Variants in UGT1A9 observed in about 807,000 individuals in gnomAD.
UGT1A9 encodes UDP glucuronosyltransferase family 1 member A9, also known as UDP-glucuronosyltransferase 1A9.
Under a neutral mutation model 45.0 loss-of-function variants are expected in UGT1A9, and 35 were observed. The ratio of observed to expected loss-of-function variants is 0.78; its 90% confidence interval spans 0.59 to 1.03. UGT1A9 has a LOEUF of 1.03. Ranked by LOEUF, UGT1A9 falls within the 50% of genes least tolerant of loss-of-function variation. The pLI is 0.00. For synonymous variants in UGT1A9, 278 were observed against 250.6 expected, an observed-to-expected ratio of 1.11 and a Z score of -1.03; for missense variants, 687 against 666.6, an observed-to-expected ratio of 1.03 and a Z score of -0.34.
chr2:233,709,696 T>G lies in UGT1A9; in HGVS notation c.855+36907T>G, dbSNP rs554703505. The stretch of plus-strand genomic sequence containing the variant: ...GTCTTTTGGTCAGCTTGGGAAAATT[T>G]TGTTCTTTTTTAATTGAATGATATG... On this transcript the variant is annotated intron_variant, in intron 1 of 4. Coordinates refer to ENST00000354728, the MANE Select transcript of UGT1A9 (RefSeq NM_021027.3). Among the ~76,000 whole-genome samples, 7 of 152,334 alleles carry G rather than the reference T, an allele frequency of 4.6e-5. No individual in the cohort carries two copies. In the East Asian group the frequency reaches 1.3e-3, roughly 29 times the overall value.
In UGT1A9 at chr2:233,682,581, A is replaced by G. The variant is rs1415178674; in HGVS notation, c.855+9792A>G. ...GTATGGAACCACATCATGCACTTGG[A>G]GGAACATTTATTTTGCCCCTATTTT... is the stretch of plus-strand genomic sequence containing the variant. On this transcript the variant is annotated intron_variant, in intron 1 of 4. Transcript: ENST00000354728. 2.2e-5 allele frequency: 36 copies of G among 1,613,826 alleles called. No individual in the cohort carries two copies. Among genetic ancestry groups the G allele is most frequent in the Non-Finnish European group, 2.7e-5 (32 of 1,179,846 alleles).
At chr2:233,729,803 C>T in intron 1 of UGT1A9, 4 of 1,613,928 alleles carry the variant, frequency 2.5e-6, no homozygotes, top group Non-Finnish European at 3.4e-6. Flanking sequence ...ATTTGCCATG[C>T]TTTTTCTGCT....
chr2:233,680,233 GT>G (rs2074479703), intron 1 of UGT1A9, among the ~76,000 whole-genome samples: 2 of 152,018 alleles, frequency 1.3e-5, no homozygotes, highest in African/African-American at 2.4e-5. Context: ...GGTATTCAAG[GT>G]TTAAAAAATT....
intron 1 of UGT1A9, among the ~76,000 whole-genome samples, chr2:233,688,668 C>T (rs1348030404): frequency 1.3e-5 from 2 of 152,120 alleles, no homozygotes; most frequent in African/African-American, 4.8e-5. Flanking sequence ...GCAGCTGGCT[C>T]TTTTTTAAAA....
Position 233,689,259 on chromosome 2 carries a change from A to G in UGT1A9, c.855+16470A>G, listed in dbSNP as rs375419238. Among the ~76,000 whole-genome samples, 6 of 152,328 alleles carry G rather than the reference A, an allele frequency of 3.9e-5. No homozygotes were observed. The South Asian group carries it at 1.2e-3, about 32-fold the overall frequency. On this transcript the variant is annotated intron_variant, in intron 1 of 4. Coordinates refer to ENST00000354728, the MANE Select transcript of UGT1A9 (RefSeq NM_021027.3). ...ATCTGTGAGTGATTCAGACTTGACTATTGTTATCATACTAAACTAAACTGG... is the reference window on the plus strand; with the variant it reads ...ATCTGTGAGTGATTCAGACTTGACTGTTGTTATCATACTAAACTAAACTGG...
Position 233,773,228 on chromosome 2 carries a change from T to C in UGT1A9, c.*669T>C, listed in dbSNP as rs570239690. The C allele has an allele frequency of 6.6e-6, 1 of 152,468 alleles. No homozygotes were observed. The highest frequency in any genetic ancestry group is 2.4e-5 in the African/African-American group (1 of 41,574). 9.4% of individuals were successfully genotyped at this position (152,468 alleles called of 1,614,324 possible). A position where few individuals can be genotyped will look rare whatever the true frequency, so the allele number is the denominator to read the frequency against. ...AAAAACCCAAAATACAGCTATGAAG[T>C]GCTGGGCAAGTTTACTTTTTTTCTG... On this transcript the variant is annotated 3_prime_UTR_variant, in exon 5 of 5. Coordinates refer to ENST00000354728, the MANE Select transcript of UGT1A9 (RefSeq NM_021027.3).
chr2:233,772,337 C>T lies in UGT1A9; in HGVS notation c.1371C>T (p.Phe457=). The change falls in exon 5 of 5, where the codon TTC becomes TTT. Residue 457 remains phenylalanine (F), a synonymous_variant. Transcript: ENST00000354728. ...RPVEPLDLAV[F]WVEFVMRHKG... is the part of the protein sequence containing the mutation. ...TGGAGCCGCTGGACCTGGCCGTGTTCTGGGTGGAGTTTGTGATGAGGCACA... is the reference window on the plus strand; with the variant it reads ...TGGAGCCGCTGGACCTGGCCGTGTTTTGGGTGGAGTTTGTGATGAGGCACA... 6.2e-7 allele frequency: 1 copy of T among 1,614,256 alleles called. No individual in the cohort carries two copies. The highest frequency in any genetic ancestry group is 8.5e-7 in the Non-Finnish European group (1 of 1,180,042).
At chr2:233,683,556 C>T (rs531959268) in intron 1 of UGT1A9, among the ~76,000 whole-genome samples, 121 of 152,220 alleles carry the variant, frequency 7.9e-4, no homozygotes, top group Admixed American at 2.9e-3. Flanking sequence ...GATTGGCCTT[C>T]TTTTGCTATT....
chr2:233,678,389 G>A (rs1404251186), intron 1 of UGT1A9, among the ~76,000 whole-genome samples: 1 of 152,176 alleles, frequency 6.6e-6, no homozygotes, highest in Non-Finnish European at 1.5e-5. Flanking sequence ...GGCTGTGGAG[G>A]AGGAGGAGTA....
chr2:233,681,598 G>A (rs567691515), intron 1 of UGT1A9, among the ~76,000 whole-genome samples: 46 of 148,238 alleles, frequency 3.1e-4, no homozygotes, highest in African/African-American at 7.9e-4. Context: ...TATTAGCTTC[G>A]TTCAAATTTA....
At position 233,772,966 on chromosome 2, in the gene UGT1A9, C is replaced by T; in HGVS notation, c.*407C>T. ...CTTCTGCAGATGGTTGCAATTGATCCTTAACCAATAATGGTCAGTCCTCAT... is the reference window on the plus strand; with the variant it reads ...CTTCTGCAGATGGTTGCAATTGATCTTTAACCAATAATGGTCAGTCCTCAT... On this transcript the variant is annotated 3_prime_UTR_variant, in exon 5 of 5. Transcript: ENST00000354728. 1 of 310,570 alleles carries T rather than the reference C, an allele frequency of 3.2e-6. No homozygotes were observed. The highest frequency in any genetic ancestry group is 3.3e-5 in the South Asian group (1 of 30,476). The allele number at this position is 310,570 out of a possible 1,614,324, so 19.2% of individuals were successfully genotyped here.
At chr2:233,717,742 G>C (rs956280434) in intron 1 of UGT1A9, 27 of 456,394 alleles carry the variant, frequency 5.9e-5, no homozygotes, top group Non-Finnish European at 1.1e-4. Context: ...GAGTGCTCAG[G>C]GTCTCCCCCT....
chr2:233,761,872 G>A (rs1697885478), intron 1 of UGT1A9, among the ~76,000 whole-genome samples: 1 of 152,232 alleles, frequency 6.6e-6, no homozygotes, highest in Admixed American at 6.5e-5. Context: ...ATTTCAGAGA[G>A]CGTTCATTCA....
At chr2:233,724,466 G>A (rs1369027656) in intron 1 of UGT1A9, among the ~76,000 whole-genome samples, 1 of 77,178 alleles carries the variant, frequency 1.3e-5, no homozygotes, top group African/African-American at 4.9e-5. Context: ...GGGCGGAGGG[G>A]CTCCTCACTT....
At chr2:233,679,476 C>G (rs1288622624) in intron 1 of UGT1A9, among the ~76,000 whole-genome samples, 1 of 152,198 alleles carries the variant, frequency 6.6e-6, no homozygotes, top group Non-Finnish European at 1.5e-5. Context: ...GTAGAGTTAG[C>G]CTATCCCTTC....
intron 1 of UGT1A9, chr2:233,756,153 G>A (rs1213505703): frequency 6.6e-6 from 1 of 152,140 alleles, no homozygotes; most frequent in Non-Finnish European, 1.5e-5. Flanking sequence ...GGGATCCCTA[G>A]GATTTCCTGG....
At chr2:233,735,180 T>C (rs1028765761) in intron 1 of UGT1A9, among the ~76,000 whole-genome samples, 1 of 148,186 alleles carries the variant, frequency 6.7e-6, no homozygotes, top group Non-Finnish European at 1.5e-5. Flanking sequence ...AGAACTTGCT[T>C]TATGAATCTA....
chr2:233,760,323 C>G (rs760176104), intron 1 of UGT1A9: 27 of 1,613,844 alleles, frequency 1.7e-5, no homozygotes, highest in Non-Finnish European at 2.3e-5. Flanking sequence ...GCCCACTTGT[C>G]CTGGGCCTGC....
Position 233,772,855 on chromosome 2 carries a change from A to T in UGT1A9, c.*296A>T, listed in dbSNP as rs1237319377. On this transcript the variant is annotated 3_prime_UTR_variant, in exon 5 of 5. Transcript: ENST00000354728. ...TTCTAGATTACTTTTCTTACTCTGA[A>T]ACATGGCCTGTTTGGGAGTGCGGGA... 3 of 732,688 alleles carry T rather than the reference A, an allele frequency of 4.1e-6. No homozygotes were observed. Among genetic ancestry groups the T allele is most frequent in the Non-Finnish European group, 5.9e-6 (3 of 506,184 alleles). 45.4% of individuals were successfully genotyped at this position (732,688 alleles called of 1,614,324 possible). A position where few individuals can be genotyped will look rare whatever the true frequency, so the allele number is the denominator to read the frequency against.
Sources: allele counts gnomAD v4.1 joint callset (sites outside exome capture counted in the v4.1 genomes callset), GRCh38; gene constraint gnomAD v4.1.1; transcripts MANE v1.5; gene names NCBI Gene and HGNC (gene_info 2026-07-23, HGNC 2026-07-21).